RPS6KA2: variants seen among roughly 807,000 people sequenced by gnomAD.
RPS6KA2 encodes ribosomal protein S6 kinase alpha-2.
A neutral mutation model predicts 91.8 loss-of-function variants in RPS6KA2; 42 were observed. The observed-to-expected ratio is 0.46, with a 90% CI of 0.36 to 0.59. The LOEUF (loss-of-function observed/expected upper bound fraction) is 0.59, where lower values mean the gene tolerates loss of function less well. RPS6KA2 is among the 20% of genes least tolerant of loss of function. The probability of loss-of-function intolerance (pLI) is 0.00; values close to 1 mark genes in which losing one functional copy is unlikely to be tolerated. For synonymous variants in RPS6KA2, 414 were observed against 393.6 expected, an observed-to-expected ratio of 1.05 and a Z score of -0.61; for missense variants, 798 against 978.5, an observed-to-expected ratio of 0.82 and a Z score of 2.46.
At chr6:166,701,966 A>G (rs976223430) in intron 2 of RPS6KA2, 3 of 1,042,300 alleles carry the variant, frequency 2.9e-6, no homozygotes, top group East Asian at 2.4e-5. Context: ...AAGACGGCCA[A>G]CAAAGTTATT....
chr6:166,723,526 C>T (rs765033305), intron 2 of RPS6KA2, among the ~76,000 whole-genome samples: 3 of 152,344 alleles, frequency 2.0e-5, no homozygotes, highest in Middle Eastern at 3.4e-3. Flanking sequence ...CGTGCCAGTA[C>T]ATCAAAGTGG....
intron 2 of RPS6KA2, among the ~76,000 whole-genome samples, chr6:166,747,558 G>GCTC (rs536332411): frequency 1.1e-3 from 165 of 152,182 alleles, no homozygotes; most frequent in Non-Finnish European, 1.6e-3. Context: ...ATGTGTGGCC[G>GCTC]CTCCTCCTCC....
chr6:166,702,803 C>T, intron 2 of RPS6KA2: 3 of 1,067,244 alleles, frequency 2.8e-6, no homozygotes, highest in East Asian at 2.4e-5. Context: ...AAGGGGGCGG[C>T]GTTCTCGCTG....
At chr6:166,803,456 G>A (rs78353587) in intron 2 of RPS6KA2, among the ~76,000 whole-genome samples, 7,254 of 152,212 alleles carry the variant, frequency 0.048, 564 homozygotes, top group East Asian at 0.39. Flanking sequence ...CCTCATGCCC[G>A]GCTCACAAGG....
chr6:166,540,999 C>T (rs964436950), intron 1 of RPS6KA2, among the ~76,000 whole-genome samples: 1 of 152,190 alleles, frequency 6.6e-6, no homozygotes, highest in Non-Finnish European at 1.5e-5. Context: ...ACAAAATACT[C>T]CTCTTCTGTT....
rs137956253 is a variant in RPS6KA2 at position 166,603,799 on chromosome 6, C to T, written c.99+23122G>A. Among the ~76,000 whole-genome samples, 1 of 152,280 alleles carries T rather than the reference C, an allele frequency of 6.6e-6. No individual in the cohort carries two copies. Among genetic ancestry groups the T allele is most frequent in the African/African-American group, 2.4e-5 (1 of 41,558 alleles). On this transcript the variant is annotated intron_variant, in intron 1 of 20. Coordinates refer to ENST00000265678, the MANE Select transcript of RPS6KA2 (RefSeq NM_021135.6). The surrounding 1 kb of genome is among the most constrained non-coding windows in gnomAD (Gnocchi z 4.3). ...CCCAGGTGTATCAAATAAATGCCCCCGTACTGTTGTTTGCGATAACAAGTC... is the reference window on the plus strand; with the variant it reads ...CCCAGGTGTATCAAATAAATGCCCCTGTACTGTTGTTTGCGATAACAAGTC...
chr6:166,633,597 C>A (rs1000568916), intron 2 of RPS6KA2, among the ~76,000 whole-genome samples: 9 of 152,122 alleles, frequency 5.9e-5, no homozygotes, highest in African/African-American at 2.2e-4. Context: ...CTCGGTTAAT[C>A]CAGACTTAAA....
chr6:166,520,133 G>A (rs1782801823), intron 3 of RPS6KA2, among the ~76,000 whole-genome samples: 1 of 152,164 alleles, frequency 6.6e-6, no homozygotes. Context: ...ATCAGTGCCT[G>A]GTTCTTGGAC....
intron 2 of RPS6KA2, among the ~76,000 whole-genome samples, chr6:166,761,787 T>G (rs1022197614): frequency 1.3e-5 from 2 of 152,036 alleles, no homozygotes; most frequent in East Asian, 1.9e-4. Flanking sequence ...CCCGGGGAGA[T>G]AGGAAGGTGG....
In RPS6KA2 at chr6:166,821,036, G is replaced by C. The variant is rs544951632; in HGVS notation, c.123+37164C>G. 6.6e-6 allele frequency among the ~76,000 whole-genome samples: 1 copy of C among 152,264 alleles called. No homozygotes were observed. The highest frequency in any genetic ancestry group is 6.5e-5 in the Admixed American group (1 of 15,302). On this transcript the variant is annotated intron_variant, in intron 2 of 21. Coordinates refer to the RPS6KA2 transcript ENST00000503859. The surrounding 1 kb of genome is among the most constrained non-coding windows in gnomAD (Gnocchi z 4.1). ...GGGAGCCAAGGGCAGGGACAAGCAG[G>C]TGTCTTGGAATGATGGGTCCAGGGC... is the stretch of plus-strand genomic sequence containing the variant.
At chr6:166,797,939 C>A (rs1380402904) in intron 2 of RPS6KA2, among the ~76,000 whole-genome samples, 3 of 152,068 alleles carry the variant, frequency 2.0e-5, no homozygotes, top group African/African-American at 7.2e-5. Context: ...GACCAGAAGA[C>A]ACTGGAGTAA....
chr6:166,578,462 C>T (rs564975400), intron 1 of RPS6KA2, among the ~76,000 whole-genome samples: 39 of 152,178 alleles, frequency 2.6e-4, no homozygotes, highest in Admixed American at 2.4e-3. Flanking sequence ...CTTAGCCCTC[C>T]GGCACTTTGC....
intron 1 of RPS6KA2, among the ~76,000 whole-genome samples, chr6:166,567,718 A>C (rs1784544800): frequency 6.6e-6 from 1 of 152,224 alleles, no homozygotes; most frequent in African/African-American, 2.4e-5. Flanking sequence ...AAATCACAGC[A>C]CATGCTCGGC....
chr6:166,634,099 A>C (rs1787163179), intron 2 of RPS6KA2, among the ~76,000 whole-genome samples: 1 of 152,222 alleles, frequency 6.6e-6, no homozygotes, highest in Non-Finnish European at 1.5e-5. Flanking sequence ...CTTAACAAAG[A>C]GGCCACTGAA....
chr6:166,570,046 A>G (rs1784638518), intron 1 of RPS6KA2, among the ~76,000 whole-genome samples: 1 of 152,226 alleles, frequency 6.6e-6, no homozygotes, highest in African/African-American at 2.4e-5. Context: ...ATCACTTGAA[A>G]GAAAGTTCAG....
intron 2 of RPS6KA2, among the ~76,000 whole-genome samples, chr6:166,791,697 C>G (rs1779094816): frequency 6.6e-6 from 1 of 151,780 alleles, no homozygotes; most frequent in Admixed American, 6.6e-5. Context: ...AACTAGAACT[C>G]AGGATTAAAA....
rs78178427 is a variant in RPS6KA2 at position 166,465,515 on chromosome 6, C to T, written c.972+4326G>A. On this transcript the variant is annotated intron_variant, in intron 11 of 20. Transcript: ENST00000265678. ...GCTGAGATGGGGGGACCACTGGACT[C>T]ATCCTAGCAAGATGTTGACAGCTTC... 1,018 of 152,418 alleles carry T rather than the reference C, an allele frequency of 6.7e-3. 14 individuals are homozygous for T. Among genetic ancestry groups the T allele is most frequent in the African/African-American group, 0.023 (943 of 41,578 alleles). 9.4% of individuals were successfully genotyped at this position (152,418 alleles called of 1,614,324 possible).
chr6:166,520,270 C>A (rs1410845564), intron 3 of RPS6KA2, among the ~76,000 whole-genome samples: 3 of 152,186 alleles, frequency 2.0e-5, no homozygotes, highest in Non-Finnish European at 4.4e-5. Context: ...CTTATACCAC[C>A]AGCTCTCCTG....
At chr6:166,747,243 A>G (rs1336961943) in intron 2 of RPS6KA2, among the ~76,000 whole-genome samples, 2 of 152,098 alleles carry the variant, frequency 1.3e-5, no homozygotes, top group Non-Finnish European at 2.9e-5. Context: ...GAAGCTACTC[A>G]GGGGCCCTCA....
Sources: allele counts gnomAD v4.1 joint callset (sites outside exome capture counted in the v4.1 genomes callset), GRCh38; gene constraint gnomAD v4.1.1; non-coding constraint Gnocchi (gnomAD v3.1); transcripts MANE v1.5; gene names NCBI Gene and HGNC (gene_info 2026-07-23, HGNC 2026-07-21).